The following TLE2 variants were observed in gnomAD, a reference collection of about 807,000 sequenced individuals.
The protein encoded by TLE2 is TLE family member 2, transcriptional corepressor, also known as transducin-like enhancer protein 2.
Under a neutral mutation model 97.2 loss-of-function variants are expected in TLE2, and 74 were observed. The ratio of observed to expected loss-of-function variants is 0.76; its 90% CI spans 0.63 to 0.92. The LOEUF is 0.92. Ranked by LOEUF, TLE2 falls within the 40% of genes least tolerant of loss-of-function variation. TLE2 has a pLI of 0.00. For missense variants in TLE2, 1,038 were observed against 1,008.7 expected, an observed-to-expected ratio of 1.03 and a Z score of -0.39; for synonymous variants, 499 against 432.1, an observed-to-expected ratio of 1.15 and a Z score of -1.92.
intron 1 of TLE2, among the ~76,000 whole-genome samples, chr19:3,039,025 A>G (rs1390798525): frequency 6.6e-6 from 1 of 151,142 alleles, no homozygotes; most frequent in African/African-American, 2.4e-5. Flanking sequence ...CCTGGGCAAC[A>G]AGAGCAAAAC....
chr19:3,033,597 C>T (rs909117169), upstream of TLE2, among the ~76,000 whole-genome samples: 1 of 152,222 alleles, frequency 6.6e-6, no homozygotes, highest in Non-Finnish European at 1.5e-5. Flanking sequence ...CGCGCCCCTC[C>T]AGATCTTCCT....
chr19:3,026,910 CTGAGGTCTATCTCAGGACCT>C (rs1431613760), intron 4 of TLE2, among the ~76,000 whole-genome samples: 3 of 152,124 alleles, frequency 2.0e-5, no homozygotes, highest in African/African-American at 2.4e-5. Context: ...TCTCTGAACC[CTGAGGTCTATCTCAGGACCT>C]TGAGGTCTAT....
At chr19:3,005,998 G>A in intron 15 of TLE2, 30 bp from the exon 16 acceptor site, 1 of 1,609,238 alleles carries the variant, frequency 6.2e-7, no homozygotes, top group Non-Finnish European at 8.5e-7. Flanking sequence ...CAGGGGCTGG[G>A]GGTTGGTCCC....
At chr19:3,046,980 A>G (rs1327208229), upstream of TLE2, among the ~76,000 whole-genome samples, 1 of 72,478 alleles carries the variant, frequency 1.4e-5, no homozygotes, top group Non-Finnish European at 2.7e-5. Context: ...CCACCTTCCT[A>G]TTCTTCCCTC....
At position 3,019,183 on chromosome 19, in the gene TLE2, C is replaced by A; in HGVS notation, c.550+100G>T. On this transcript the variant is annotated intron_variant, in intron 7 of 19. Transcript: ENST00000262953. The surrounding 1 kb of genome is among the most constrained non-coding windows in gnomAD (Gnocchi z 5.1). ...AAATTGTTGGGATTATAGGCATGAG[C>A]CACTTCATCCCCTCACGCTGATGTT... is the stretch of plus-strand genomic sequence containing the variant. 2.1e-6 allele frequency: 3 copies of A among 1,456,710 alleles called. No individual in the cohort carries two copies. The highest frequency in any genetic ancestry group is 2.8e-6 in the Non-Finnish European group (3 of 1,088,564). The allele number at this position is 1,456,710 out of a possible 1,614,324, so 90.2% of individuals were successfully genotyped here.
chr19:3,013,791 C>T lies in TLE2; in HGVS notation c.751G>A (p.Ala251Thr). 1 of 1,555,318 alleles carries T rather than the reference C, an allele frequency of 6.4e-7. No homozygotes were observed. The highest frequency in any genetic ancestry group is 8.7e-7 in the Non-Finnish European group (1 of 1,154,520). Residue 251 changes from alanine to threonine, a missense_variant, in exon 11 of 20, where the codon GCT (alanine) becomes ACT (threonine). By Grantham distance (58) the Ala-to-Thr change is moderately conservative. Coordinates refer to ENST00000262953, the MANE Select transcript of TLE2 (RefSeq NM_003260.5). ...GGTACCTTTCCGCAGGGGGTGGTAG[C>T]CGGGCTGGGGGGCTCTGAGGGTTGG... is the stretch of plus-strand genomic sequence containing the variant. The part of the protein sequence containing the change: ...EDQPSEPPSP[A>T]TTPCGKVPIC...
intron 17 of TLE2, among the ~76,000 whole-genome samples, chr19:3,003,612 T>C (rs969733475): frequency 3.8e-5 from 5 of 130,302 alleles, no homozygotes; most frequent in Non-Finnish European, 7.8e-5. Context: ...CACTCCAGCC[T>C]GGGTGACAGA....
chr19:3,021,872 T>G (rs575786253), intron 5 of TLE2, among the ~76,000 whole-genome samples: 1 of 152,144 alleles, frequency 6.6e-6, no homozygotes, highest in Non-Finnish European at 1.5e-5. Context: ...TGTGAGCCAC[T>G]GCGCCCAGCC....
chr19:3,002,621 C>G (rs946402242), intron 17 of TLE2, 118 bp from the exon 18 acceptor site: 12 of 1,282,716 alleles, frequency 9.4e-6, no homozygotes, highest in African/African-American at 1.5e-5. Context: ...TCACTGCAGC[C>G]TTGACCTCCA....
intron 10 of TLE2, 44 bp from the exon 11 acceptor site, chr19:3,013,862 G>T: frequency 2.1e-6 from 3 of 1,429,188 alleles, no homozygotes; most frequent in Non-Finnish European, 2.8e-6. Flanking sequence ...AAATGAGAGG[G>T]AAAGAAGAGT....
At chr19:3,032,047 C>A (rs150562401), upstream of TLE2, among the ~76,000 whole-genome samples, 7 of 151,862 alleles carry the variant, frequency 4.6e-5, no homozygotes, top group African/African-American at 1.7e-4. This position sits in a 1 kb window ranked among gnomAD's most constrained non-coding sequence, Gnocchi z 4.1. Context: ...TCTCCTGCCT[C>A]GGCCTCTGGA....
rs751110838 is a variant in TLE2 at position 3,028,812 on chromosome 19, G to T, written c.25-9C>A. On this transcript the variant is annotated splice_polypyrimidine_tract_variant and intron_variant, in intron 1 of 19. Transcript: ENST00000262953. Reference sequence around the variant, plus strand: ...CCGGACTGGAGCGGGGTCTGGGGGGGGTGTGGGGGAAACGTCAGGGTCTGA... The same window carrying T: ...CCGGACTGGAGCGGGGTCTGGGGGGTGTGTGGGGGAAACGTCAGGGTCTGA... 2 of 1,612,332 alleles carry T rather than the reference G, an allele frequency of 1.2e-6. No homozygotes were observed. Among genetic ancestry groups the T allele is most frequent in the South Asian group, 1.1e-5 (1 of 91,074 alleles).
At chr19:3,041,848 C>T (rs920035611) in intron 1 of TLE2, among the ~76,000 whole-genome samples, 2 of 152,184 alleles carry the variant, frequency 1.3e-5, no homozygotes, top group Non-Finnish European at 2.9e-5. Context: ...GGCAGCCAGG[C>T]CCAGAGAGGC....
chr19:3,028,047 G>A (rs373600456), intron 3 of TLE2, among the ~76,000 whole-genome samples, 174 bp from the exon 4 acceptor site: 15 of 152,196 alleles, frequency 9.9e-5, no homozygotes, highest in African/African-American at 3.6e-4. Flanking sequence ...CTGCCTGGAA[G>A]GGCCCCCTCT....
intron 17 of TLE2, 109 bp from the exon 18 acceptor site, chr19:3,002,612 C>T (rs1368048290): frequency 1.5e-6 from 2 of 1,368,606 alleles, no homozygotes; most frequent in African/African-American, 2.9e-5. Flanking sequence ...AATCATGGCT[C>T]ACTGCAGCCT....
At position 3,006,321 on chromosome 19, in the gene TLE2, G is replaced by GT. The variant is rs564600555; in HGVS notation, c.1500+98dup. 1.6e-4 allele frequency: 233 copies of GT among 1,500,158 alleles called. 4 individuals are homozygous for GT. In the South Asian group the frequency reaches 2.8e-3, roughly 18 times the overall value. 92.9% of individuals were successfully genotyped at this position (1,500,158 alleles called of 1,614,324 possible). A position where few individuals can be genotyped will look rare whatever the true frequency, so the allele number is the denominator to read the frequency against. ...CACCTATAAGCCCCGCCCTTCACCT[G>GT]TAGCCCCACCCACGGCCAGCCTGCG... On this transcript the variant is annotated intron_variant, in intron 15 of 19. Transcript: ENST00000262953.
intron 2 of TLE2, 37 bp downstream of exon 2, chr19:3,028,669 G>A (rs755561711): frequency 7.8e-5 from 125 of 1,608,664 alleles, no homozygotes; most frequent in Non-Finnish European, 9.9e-5. Context: ...CCGGCGCCCA[G>A]GTGAACTCCC....
At position 3,009,527 on chromosome 19, in the gene TLE2, C is replaced by G. The variant is rs781662924; in HGVS notation, c.1173+15G>C. 1 of 1,573,238 alleles carries G rather than the reference C, an allele frequency of 6.4e-7. No homozygotes were observed. Among genetic ancestry groups the G allele is most frequent in the Admixed American group, 1.9e-5 (1 of 52,840 alleles). ...GCCCTGCTGACACCTCCTGCGCCCC[C>G]ACCCAAGGACTCACCACGGGGGAGC... On this transcript the variant is annotated intron_variant, in intron 13 of 19. Transcript: ENST00000262953.
intron 5 of TLE2, among the ~76,000 whole-genome samples, chr19:3,022,245 G>C (rs1428425579): frequency 6.6e-6 from 1 of 152,052 alleles, no homozygotes; most frequent in African/African-American, 2.4e-5. Flanking sequence ...TTTTAGGCCA[G>C]GTGCGGTGGC....
Sources: gnomAD v4.1 joint callset for allele counts (sites outside exome capture counted in the v4.1 genomes callset) on GRCh38, gnomAD v4.1.1 for gene constraint, Gnocchi (gnomAD v3.1) non-coding constraint, MANE v1.5 for transcripts, NCBI Gene and HGNC (gene_info 2026-07-23, HGNC 2026-07-21) for gene names.